Variants in ZDHHC15 observed in about 807,000 individuals in gnomAD.
ZDHHC15 encodes zDHHC palmitoyltransferase 15.
Under a neutral mutation model 31.7 loss-of-function variants are expected in ZDHHC15, and 19 were observed. The ratio of observed to expected loss-of-function variants is 0.60; its 90% CI spans 0.42 to 0.88. ZDHHC15 has a LOEUF of 0.88. Ranked by LOEUF, ZDHHC15 falls within the 40% of genes least tolerant of loss-of-function variation. The pLI, the probability that ZDHHC15 is intolerant of heterozygous loss-of-function variation, is 0.00. For synonymous variants in ZDHHC15, 103 were observed against 90.0 expected (o/e 1.14, Z -0.82); for missense variants, 209 against 251.2 (o/e 0.83, Z 1.14).
At chrX:75,478,582 T>C (rs947282648) in intron 3 of ZDHHC15, among the ~76,000 whole-genome samples, 9 of 111,273 alleles carry the variant, frequency 8.1e-5, no homozygotes, top group Non-Finnish European at 1.5e-4. Context: ...AGGGTCTCAC[T>C]TTGTTGCCTA....
intron 4 of ZDHHC15, among the ~76,000 whole-genome samples, chrX:75,433,656 AGTGTGTGTGTGTGTGTGT>A (rs138064587): frequency 0.032 from 1,729 of 53,464 alleles, 19 homozygotes; most frequent in Admixed American, 0.047. Flanking sequence ...ATGGCTGAGT[AGTGTGTGTGTGTGTGTGT>A]GTGTGTGTGT....
intron 3 of ZDHHC15, among the ~76,000 whole-genome samples, chrX:75,459,241 G>T (rs1330481579): frequency 9.0e-6 from 1 of 110,834 alleles, no homozygotes; most frequent in African/African-American, 3.3e-5. Flanking sequence ...GCCCCAGCAA[G>T]GTGGGAGATC....
intron 3 of ZDHHC15, among the ~76,000 whole-genome samples, chrX:75,456,347 C>CTG (rs1002889744): frequency 3.3e-5 from 3 of 90,911 alleles, no homozygotes; most frequent in African/African-American, 1.2e-4. Context: ...ATACCAGGGC[C>CTG]TGTCATGGGG....
chrX:75,458,732 A>T (rs190376545), intron 3 of ZDHHC15, among the ~76,000 whole-genome samples: 1 of 109,481 alleles, frequency 9.1e-6, no homozygotes, highest in African/African-American at 3.3e-5. Context: ...GGTGCTAAAG[A>T]TTCTCCAATG....
At position 75,450,782 on chromosome X, in the gene ZDHHC15, C is replaced by A; in HGVS notation, c.379+20G>T. On this transcript the variant is annotated intron_variant, in intron 4 of 11. Transcript: ENST00000373367. ...GATACTTGCTGAGCTGCCTCTCTAG[C>A]TGCCTTTGGATGAACTGACCTCCAC... is the stretch of plus-strand genomic sequence containing the variant. 3.3e-6 allele frequency: 4 copies of A among 1,210,509 alleles called. No homozygotes were observed. The highest frequency in any genetic ancestry group is 3.4e-6 in the Non-Finnish European group (3 of 894,667).
chrX:75,382,120 C>A (rs1007223305), intron 10 of ZDHHC15, among the ~76,000 whole-genome samples: 1 of 112,079 alleles, frequency 8.9e-6, no homozygotes, highest in Non-Finnish European at 1.9e-5. Context: ...AATGAGCACA[C>A]CAAGTCTTGT....
chrX:75,384,020 G>T (rs1029674349), intron 10 of ZDHHC15, among the ~76,000 whole-genome samples: 1 of 110,270 alleles, frequency 9.1e-6, no homozygotes, highest in Non-Finnish European at 1.9e-5. Context: ...GGGATTACAG[G>T]CGTGAACCAC....
intron 9 of ZDHHC15, among the ~76,000 whole-genome samples, chrX:75,421,012 C>A (rs2083620261): frequency 9.1e-6 from 1 of 109,714 alleles, no homozygotes; most frequent in Non-Finnish European, 1.9e-5. Context: ...TATTTTTATT[C>A]ATAAAATAAT....
intron 10 of ZDHHC15, among the ~76,000 whole-genome samples, chrX:75,404,638 A>G (rs961191565): frequency 2.7e-5 from 3 of 112,111 alleles, no homozygotes; most frequent in African/African-American, 9.7e-5. Context: ...GCTCAATATC[A>G]CTGATCATTA....
At chrX:75,521,192 G>A (rs961671541) in intron 1 of ZDHHC15, among the ~76,000 whole-genome samples, 2 of 110,607 alleles carry the variant, frequency 1.8e-5, no homozygotes, top group Non-Finnish European at 3.8e-5. Flanking sequence ...ACATATTGGA[G>A]CCCCAAACTA....
intron 11 of ZDHHC15, among the ~76,000 whole-genome samples, chrX:75,375,044 G>GT (rs765957035): frequency 1.7e-3 from 186 of 111,262 alleles, no homozygotes; most frequent in Non-Finnish European, 3.1e-3. Context: ...AAAGTATATA[G>GT]TTTTTTTGTA....
intron 10 of ZDHHC15, among the ~76,000 whole-genome samples, chrX:75,383,536 C>T (rs2083139307): frequency 9.1e-6 from 1 of 110,414 alleles, no homozygotes; most frequent in Admixed American, 9.7e-5. Flanking sequence ...GTCTTCAAGG[C>T]CCAAATTCTC....
rs139530286 is a variant in ZDHHC15, at chrX:75,422,239, G to A, written c.737-249C>T. On this transcript the variant is annotated intron_variant, in intron 8 of 11. Transcript: ENST00000373367. ...TAGAACTCTCTTTTTAAAAGACAGG[G>A]GAAACACATGGTGGCAGAAATAATT... Among the ~76,000 whole-genome samples the A allele has an allele frequency of 5.4e-5, 6 of 111,489 alleles. No homozygotes were observed. In the Admixed American group the frequency reaches 5.7e-4, roughly 11 times the overall value.
At chrX:75,443,223 C>G (rs1343568136) in intron 4 of ZDHHC15, among the ~76,000 whole-genome samples, 1 of 110,030 alleles carries the variant, frequency 9.1e-6, no homozygotes, top group Non-Finnish European at 1.9e-5. Flanking sequence ...TACTACAAGG[C>G]TACAGTAACC....
intron 2 of ZDHHC15, among the ~76,000 whole-genome samples, chrX:75,484,408 C>A (rs993949863): frequency 8.9e-6 from 1 of 112,007 alleles, no homozygotes; most frequent in Non-Finnish European, 1.9e-5. Context: ...TAAACAGACA[C>A]TTCGCATTAG....
At chrX:75,479,007 T>C in intron 2 of ZDHHC15, 22 bp from the exon 3 acceptor site, 1 of 1,012,155 alleles carries the variant, frequency 9.9e-7, no homozygotes, top group Non-Finnish European at 1.3e-6. Flanking sequence ...AAAAAATCAG[T>C]GTTTATACTA....
At chrX:75,473,949 G>A (rs2084545711) in intron 3 of ZDHHC15, among the ~76,000 whole-genome samples, 1 of 111,530 alleles carries the variant, frequency 9.0e-6, no homozygotes, top group South Asian at 3.7e-4. Flanking sequence ...AAGGATAGTT[G>A]TATCATGTCA....
At chrX:75,461,560 T>G (rs188030471) in intron 3 of ZDHHC15, among the ~76,000 whole-genome samples, 6 of 111,802 alleles carry the variant, frequency 5.4e-5, no homozygotes, top group African/African-American at 1.6e-4. Context: ...CAAAGGAAAG[T>G]AGATCAGACT....
chrX:75,388,990 C>T (rs1378038525), intron 10 of ZDHHC15, among the ~76,000 whole-genome samples: 1 of 111,695 alleles, frequency 9.0e-6, no homozygotes, highest in African/African-American at 3.3e-5. Flanking sequence ...GCCTACACCA[C>T]CCCTCTCCCA....
Sources: allele counts gnomAD v4.1 joint callset (sites outside exome capture counted in the v4.1 genomes callset), GRCh38; gene constraint gnomAD v4.1.1; transcripts MANE v1.5; gene names NCBI Gene and HGNC (gene_info 2026-07-23, HGNC 2026-07-21).